REV3L: variants seen among roughly 807,000 people sequenced by gnomAD.
REV3L encodes the protein REV3 like, DNA directed polymerase zeta catalytic subunit, also known as DNA polymerase zeta catalytic subunit.
Under a neutral mutation model 299.4 loss-of-function variants are expected in REV3L, and 69 were observed. The ratio of observed to expected loss-of-function variants is 0.23; its 90% CI spans 0.19 to 0.28. REV3L has a LOEUF of 0.28. Among genes scored for constraint, REV3L ranks in the 10% least tolerant of loss-of-function variants. REV3L has a pLI of 1.00. For missense variants in REV3L, 3,128 were observed against 3,693.8 expected (o/e 0.85, Z 3.97); for synonymous variants, 1,238 against 1,271.4 (o/e 0.97, Z 0.56).
At chr6:111,423,973 T>G (rs1313606005) in intron 1 of REV3L, among the ~76,000 whole-genome samples, 1 of 152,202 alleles carries the variant, frequency 6.6e-6, no homozygotes, top group South Asian at 2.1e-4. Context: ...CATACAGATA[T>G]GGAGCTTAAG....
intron 1 of REV3L, among the ~76,000 whole-genome samples, chr6:111,472,555 TA>T (rs1428266605): frequency 6.7e-6 from 1 of 150,312 alleles, no homozygotes; most frequent in East Asian, 1.9e-4. Flanking sequence ...AACTATCATC[TA>T]AAAAAATAGA....
intron 18 of REV3L, among the ~76,000 whole-genome samples, chr6:111,355,021 G>T (rs755496072): frequency 3.3e-5 from 5 of 151,988 alleles, no homozygotes; most frequent in African/African-American, 1.2e-4. Flanking sequence ...AAGAGGAAAA[G>T]GGAAGAATCA....
chr6:111,463,769 C>T (rs1380072179), intron 1 of REV3L, among the ~76,000 whole-genome samples: 2 of 152,166 alleles, frequency 1.3e-5, no homozygotes, highest in Non-Finnish European at 2.9e-5. Flanking sequence ...TGTGATTTCA[C>T]TTAAAGTCAC....
At chr6:111,315,777 G>C (rs1343129657) in intron 26 of REV3L, 1 of 186,430 alleles carries the variant, frequency 5.4e-6, no homozygotes, top group Non-Finnish European at 1.1e-5. Flanking sequence ...GATTCTCATA[G>C]GAGCATGAAC....
chr6:111,360,456 ATTTGTT>A (rs1778533768), intron 16 of REV3L, among the ~76,000 whole-genome samples: 1 of 148,444 alleles, frequency 6.7e-6, no homozygotes, highest in Non-Finnish European at 1.5e-5. Context: ...CTCATTGTAA[ATTTGTT>A]AAATAATCTT....
At chr6:111,304,374 T>C (rs1008957925) in intron 31 of REV3L, among the ~76,000 whole-genome samples, 1 of 148,560 alleles carries the variant, frequency 6.7e-6, no homozygotes, top group African/African-American at 2.5e-5. Context: ...GTTTACAATT[T>C]CCATAATTTC....
At chr6:111,401,853 G>A (rs1026894475) in intron 4 of REV3L, among the ~76,000 whole-genome samples, 2 of 152,102 alleles carry the variant, frequency 1.3e-5, no homozygotes, top group Non-Finnish European at 2.9e-5. Flanking sequence ...GCTCATGCCT[G>A]TAATCCCAGC....
At chr6:111,378,076 TATA>T (rs1780488008) in intron 11 of REV3L, among the ~76,000 whole-genome samples, 1 of 152,202 alleles carries the variant, frequency 6.6e-6, no homozygotes, top group Non-Finnish European at 1.5e-5. Flanking sequence ...AAAGAGTTAT[TATA>T]ATTAGACTTC....
At chr6:111,300,541 CTT>C (rs1279392084) in intron 31 of REV3L, among the ~76,000 whole-genome samples, 5 of 152,116 alleles carry the variant, frequency 3.3e-5, no homozygotes, top group South Asian at 4.1e-4. Context: ...AAAAGTTACT[CTT>C]TTTCGTATTC....
rs1051144228 is a variant in REV3L, at chr6:111,382,035, T to C, written c.1097-591A>G. Among the ~76,000 whole-genome samples the C allele has an allele frequency of 5.3e-5, 8 of 152,244 alleles. No individual in the cohort carries two copies. The East Asian group carries it at 1.5e-3, about 29-fold the overall frequency. On this transcript the variant is annotated intron_variant, in intron 9 of 31. Coordinates refer to ENST00000368802, the MANE Select transcript of REV3L (RefSeq NM_001372078.1). The stretch of plus-strand genomic sequence containing the variant: ...CTGGGCAGAAATAGTTTTTAAGTGC[T>C]ATAAAAATACAAAGAAATGGTTAAG...
intron 1 of REV3L, among the ~76,000 whole-genome samples, chr6:111,437,173 C>T (rs909793664): frequency 1.3e-5 from 2 of 152,236 alleles, no homozygotes; most frequent in Non-Finnish European, 2.9e-5. Context: ...ATAGAATAGT[C>T]TGGTAGTTCT....
At chr6:111,439,497 A>G (rs1367993700) in intron 1 of REV3L, among the ~76,000 whole-genome samples, 1 of 152,246 alleles carries the variant, frequency 6.6e-6, no homozygotes, top group Non-Finnish European at 1.5e-5. Context: ...AGAACTCAAC[A>G]TAGAGCATTC....
intron 4 of REV3L, among the ~76,000 whole-genome samples, chr6:111,400,379 CT>C (rs1311625200): frequency 6.6e-6 from 1 of 152,168 alleles, no homozygotes; most frequent in Non-Finnish European, 1.5e-5. Context: ...TGTTCCACCT[CT>C]TGGTCAACAT....
chr6:111,319,102 ATGT>A (rs971513580), intron 26 of REV3L, among the ~76,000 whole-genome samples: 6 of 150,630 alleles, frequency 4.0e-5, no homozygotes, highest in Admixed American at 1.3e-4. Context: ...CATACTATAC[ATGT>A]TGTTAAAAAT....
Position 111,333,263 on chromosome 6 carries a change from A to C in REV3L, c.7785T>G (p.Val2595=). The change falls in exon 23 of 32, where the codon GTT becomes GTG. Residue 2595 remains valine, a synonymous_variant. Coordinates refer to ENST00000368802, the MANE Select transcript of REV3L (RefSeq NM_001372078.1). ...QRSQMRAPQC[V]PLIMEPESRF... is the part of the protein sequence containing the mutation. ...GGGATTCAGGCTCCATAATTAGAGG[A>C]ACACACTGTGGGGCTCTCATCTGGG... is the stretch of plus-strand genomic sequence containing the variant. The C allele has an allele frequency of 1.2e-6, 2 of 1,614,142 alleles. No homozygotes were observed. Among genetic ancestry groups the C allele is most frequent in the Non-Finnish European group, 1.7e-6 (2 of 1,180,000 alleles).
chr6:111,323,282 C>A (rs1209474038), intron 25 of REV3L, among the ~76,000 whole-genome samples: 1 of 152,184 alleles, frequency 6.6e-6, no homozygotes, highest in Non-Finnish European at 1.5e-5. Flanking sequence ...GCCACCGTGC[C>A]CGACCTATTC....
At chr6:111,324,538 G>A (rs970211719) in intron 25 of REV3L, among the ~76,000 whole-genome samples, 2 of 152,174 alleles carry the variant, frequency 1.3e-5, no homozygotes, top group African/African-American at 4.8e-5. Context: ...CTTCTGAGAT[G>A]TATACTTACA....
intron 10 of REV3L, among the ~76,000 whole-genome samples, chr6:111,381,111 A>C (rs1780786477): frequency 6.6e-6 from 1 of 152,266 alleles, no homozygotes; most frequent in African/African-American, 2.4e-5. Context: ...GTACAGTTAA[A>C]AAAACTATTT....
chr6:111,375,485 C>T lies in REV3L; in HGVS notation c.2870G>A (p.Gly957Glu), dbSNP rs1388836052. 1 of 1,604,580 alleles carries T rather than the reference C, an allele frequency of 6.2e-7. No homozygotes were observed. Among genetic ancestry groups the T allele is most frequent in the Non-Finnish European group, 8.5e-7 (1 of 1,177,686 alleles). Residue 957 changes from glycine (G) to glutamate (E), a missense_variant, in exon 13 of 32, where the codon GGA becomes GAA. Coordinates refer to ENST00000368802, the MANE Select transcript of REV3L (RefSeq NM_001372078.1). ...TCTTCGTTTTCGGGATTTGAGAGTT[C>T]CATCTAAACTTTCACCAATTTCCAT... ...HPMEIGESLDGTLKSRKRRKM... is the reference protein window; with the variant it reads ...HPMEIGESLDETLKSRKRRKM...
Sources: allele counts gnomAD v4.1 joint callset (sites outside exome capture counted in the v4.1 genomes callset), GRCh38; gene constraint gnomAD v4.1.1; transcripts MANE v1.5; gene names NCBI Gene and HGNC (gene_info 2026-07-23, HGNC 2026-07-21).